HERC2: variants seen among roughly 807,000 people sequenced by gnomAD.
The protein encoded by HERC2 is E3 ubiquitin-protein ligase HERC2.
Under a neutral mutation model 537.7 loss-of-function variants are expected in HERC2, and 102 were observed. The ratio of observed to expected loss-of-function variants is 0.19; its 90% confidence interval spans 0.16 to 0.22. The LOEUF (loss-of-function observed/expected upper bound fraction) is 0.22, where lower values mean the gene tolerates loss of function less well. Ranked by LOEUF, HERC2 falls within the 10% of genes least tolerant of loss-of-function variation. The pLI is 1.00. For missense variants in HERC2, 4,236 were observed against 6,198.2 expected, an observed-to-expected ratio of 0.68 and a Z score of 10.63; for synonymous variants, 2,224 against 2,466.2, an observed-to-expected ratio of 0.90 and a Z score of 2.91.
At position 28,176,663 on chromosome 15, in the gene HERC2, C is replaced by T; in HGVS notation, c.9514+24G>A. On this transcript the variant is annotated intron_variant, in intron 62 of 92. Coordinates refer to ENST00000261609, the MANE Select transcript of HERC2 (RefSeq NM_004667.6). This position sits in a 1 kb window ranked among gnomAD's most constrained non-coding sequence, Gnocchi z 5.0. ...CATATCATTCCTACCCACCCAGAAG[C>T]ACAGAATCCTGCCAGCCACTCACCT... 6.2e-7 allele frequency: 1 copy of T among 1,614,064 alleles called. No homozygotes were observed. The highest frequency in any genetic ancestry group is 1.1e-5 in the South Asian group (1 of 91,072).
Position 28,202,211 on chromosome 15 carries a change from C to T in HERC2, c.7519G>A (p.Asp2507Asn), listed in dbSNP as rs776657606. The change falls in exon 47 of 93, where the codon GAC becomes AAC. Residue 2507 changes from aspartate (D) to asparagine (N), a missense_variant. By Grantham distance (23) the Asp-to-Asn change is conservative (BLOSUM62 1). Coordinates refer to ENST00000261609, the MANE Select transcript of HERC2 (RefSeq NM_004667.6). ...ALVGWLLDHS[D>N]IQVTELSDAD... is the part of the protein sequence containing the mutation. Reference sequence around the variant, plus strand: ...TCTGAGAGCTCCGTGACCTGTATGTCGGAGTGGTCCAGCAGCCACCCGACC... The same window carrying T: ...TCTGAGAGCTCCGTGACCTGTATGTTGGAGTGGTCCAGCAGCCACCCGACC... 18 of 1,607,048 alleles carry T rather than the reference C, an allele frequency of 1.1e-5. No homozygotes were observed. In the East Asian group the frequency reaches 2.9e-4, roughly 26 times the overall value.
intron 4 of HERC2, among the ~76,000 whole-genome samples, chr15:28,283,262 C>T (rs187405359): frequency 4.6e-5 from 7 of 152,104 alleles, no homozygotes; most frequent in Admixed American, 1.3e-4. Context: ...CTAAGACATA[C>T]AATAATCAAA....
intron 78 of HERC2, among the ~76,000 whole-genome samples, chr15:28,136,118 G>GA (rs71132836): frequency 0.85 from 127,979 of 151,354 alleles, 57,708 homozygotes; most frequent in Non-Finnish European, 0.99. Context: ...AACCACAAGG[G>GA]AAAAAACACC....
At chr15:28,306,841 C>T (rs2141248355) in intron 2 of HERC2, among the ~76,000 whole-genome samples, 1 of 151,612 alleles carries the variant, frequency 6.6e-6, no homozygotes, top group South Asian at 2.1e-4. Flanking sequence ...TTTCTTTTTC[C>T]TTCTTTTTTT....
chr15:28,219,875 C>T (rs1327018989), intron 37 of HERC2, among the ~76,000 whole-genome samples: 6 of 152,158 alleles, frequency 3.9e-5, no homozygotes, highest in Non-Finnish European at 5.9e-5. Flanking sequence ...AACCTCCTCC[C>T]GCAACCTGGA....
intron 4 of HERC2, among the ~76,000 whole-genome samples, chr15:28,286,451 G>T (rs115734997): frequency 6.6e-6 from 1 of 152,142 alleles, no homozygotes; most frequent in African/African-American, 2.4e-5. Context: ...ATGTAAAGTG[G>T]GTTCAACAGT....
At chr15:28,134,952 C>T (rs375799955) in intron 79 of HERC2, among the ~76,000 whole-genome samples, 4 of 152,026 alleles carry the variant, frequency 2.6e-5, no homozygotes, top group African/African-American at 7.3e-5. Context: ...GGATTACAGG[C>T]GTGAGCCACC....
intron 2 of HERC2, among the ~76,000 whole-genome samples, chr15:28,312,375 G>A (rs372831622): frequency 0.021 from 2,748 of 129,738 alleles, no homozygotes; most frequent in Admixed American, 0.032. Flanking sequence ...GGCCCACGCC[G>A]TAATCCCAGA....
chr15:28,279,216 C>T (rs926769015), intron 5 of HERC2, among the ~76,000 whole-genome samples: 52 of 152,126 alleles, frequency 3.4e-4, no homozygotes, highest in African/African-American at 1.2e-3. Flanking sequence ...CTCCAACTCC[C>T]GACCTGAGGT....
At chr15:28,282,682 C>G (rs1267645612) in intron 4 of HERC2, among the ~76,000 whole-genome samples, 2 of 152,116 alleles carry the variant, frequency 1.3e-5, no homozygotes, top group Non-Finnish European at 2.9e-5. Context: ...AGCTGTAATC[C>G]CAGCACTTTC....
chr15:28,254,332 C>A lies in HERC2; in HGVS notation c.3050+8G>T, dbSNP rs778708768. ...AACATATAATACAATACAGCTACTA[C>A]GATTTACCTAAGAAGCTGTTGTATG... is the stretch of plus-strand genomic sequence containing the variant. On this transcript the variant is annotated splice_region_variant and intron_variant, in intron 20 of 92. Transcript: ENST00000261609. 3 of 1,559,706 alleles carry A rather than the reference C, an allele frequency of 1.9e-6. No individual in the cohort carries two copies. The highest frequency in any genetic ancestry group is 2.8e-5 in the African/African-American group (2 of 72,436).
At chr15:28,134,549 G>C (rs1890423618) in intron 79 of HERC2, among the ~76,000 whole-genome samples, 1 of 152,090 alleles carries the variant, frequency 6.6e-6, no homozygotes, top group South Asian at 2.1e-4. Context: ...TCAACTCAGG[G>C]GGAAAGCTTT....
rs539904889 is a variant in HERC2, at chr15:28,280,549, C to T, written c.323-262G>A. ...TTGTCCGAGGCCACACAGAGGAGTG[C>T]GGCACATGACAGAGACTCTTGAGCC... On this transcript the variant is annotated intron_variant, in intron 4 of 92. Transcript: ENST00000261609. Among the ~76,000 whole-genome samples the T allele has an allele frequency of 3.9e-5, 6 of 152,176 alleles. No homozygotes were observed. The South Asian group carries it at 8.3e-4, about 21-fold the overall frequency.
In HERC2 at chr15:28,255,881, T is replaced by A; in HGVS notation, c.2862A>T (p.Ala954=). 1.3e-6 allele frequency: 2 copies of A among 1,599,852 alleles called. No individual in the cohort carries two copies. The highest frequency in any genetic ancestry group is 2.7e-5 in the African/African-American group (2 of 75,022). ...LESALHAAIT[A]EIQDIEAKKE... The stretch of plus-strand genomic sequence containing the variant: ...GCCTCCAAAGCCATACCTGGATCTC[T>A]GCAGTAATGGCTGCGTGTAAGGCTG... Residue 954 remains alanine, a synonymous_variant, in exon 19 of 93, where the codon GCA becomes GCT. Transcript: ENST00000261609.
chr15:28,296,689 TAAAAA>T (rs4035974), intron 3 of HERC2, among the ~76,000 whole-genome samples: 46 of 115,248 alleles, frequency 4.0e-4, no homozygotes, highest in Non-Finnish European at 7.0e-4. Context: ...TACTGATACA[TAAAAA>T]AAAAAAAAAA....
intron 83 of HERC2, among the ~76,000 whole-genome samples, chr15:28,126,096 C>T (rs995938274): frequency 3.3e-5 from 5 of 152,000 alleles, no homozygotes; most frequent in Admixed American, 6.6e-5. Context: ...CAATGTGATA[C>T]CACCTCACTC....
intron 4 of HERC2, among the ~76,000 whole-genome samples, chr15:28,282,699 C>A (rs865915987): frequency 6.6e-6 from 1 of 152,022 alleles, no homozygotes; most frequent in South Asian, 2.1e-4. Flanking sequence ...TTTCGGAGGC[C>A]GAGGCAGGCG....
Position 28,280,132 on chromosome 15 carries a change from G to C in HERC2, c.478C>G (p.Gln160Glu). 2 of 1,614,122 alleles carry C rather than the reference G, an allele frequency of 1.2e-6. No homozygotes were observed. The highest frequency in any genetic ancestry group is 2.7e-5 in the African/African-American group (2 of 75,036). ...YFIALNRTVF[Q>E]ENVKVKWKSS... ...TTCCACTTAACTTTGACATTCTCCT[G>C]AAAAACGGTTCTATTCAAGGCAATG... Residue 160 changes from glutamine (Q) to glutamate (E), a missense_variant, in exon 5 of 93, where the codon CAG (glutamine) becomes GAG (glutamate). Physicochemically the swap from Gln to Glu is conservative, Grantham distance 29. This residue lies in a region of HERC2 where 491 missense variants were observed against 559.3 expected (regional missense o/e 0.88). Coordinates refer to ENST00000261609, the MANE Select transcript of HERC2 (RefSeq NM_004667.6).
At chr15:28,142,102 T>C (rs1891283404) in intron 76 of HERC2, 136 bp downstream of exon 76, 8 of 924,514 alleles carry the variant, frequency 8.7e-6, no homozygotes. Flanking sequence ...TCACTCATTT[T>C]CACCTATGTG....
Sources: gnomAD v4.1 joint callset for allele counts (sites outside exome capture counted in the v4.1 genomes callset) on GRCh38, gnomAD v4.1.1 for gene constraint, gnomAD v4.1.1 regional missense constraint, Gnocchi (gnomAD v3.1) non-coding constraint, MANE v1.5 for transcripts, NCBI Gene and HGNC (gene_info 2026-07-23, HGNC 2026-07-21) for gene names.